STRADA: variants seen among roughly 807,000 people sequenced by gnomAD.
The protein encoded by STRADA is STE20-related kinase adapter protein alpha.
In STRADA, 26 loss-of-function variants were observed where a neutral mutation model predicts 55.0. The observed-to-expected ratio is 0.47, with a 90% CI of 0.35 to 0.66. The LOEUF (loss-of-function observed/expected upper bound fraction) is 0.66. Among genes scored for constraint, STRADA ranks in the 30% least tolerant of loss-of-function variants. The pLI, the probability that STRADA is intolerant of heterozygous loss-of-function variation, is 0.01. For missense variants in STRADA, 443 were observed against 549.7 expected (o/e 0.81, Z 1.94); for synonymous variants, 197 against 210.9 (o/e 0.93, Z 0.57).
chr17:63,713,623 CTT>C, intron 5 of STRADA, 96 bp from the exon 6 acceptor site: 2 of 1,495,394 alleles, frequency 1.3e-6, no homozygotes, highest in East Asian at 2.3e-5. Context: ...TCAAAAGAAA[CTT>C]AATGTTAAAT....
At chr17:63,724,628 G>A (rs1307672657) in intron 3 of STRADA, among the ~76,000 whole-genome samples, 1 of 152,070 alleles carries the variant, frequency 6.6e-6, no homozygotes, top group Non-Finnish European at 1.5e-5. Flanking sequence ...TTGCCAGGCT[G>A]GTCTTGAACT....
At chr17:63,720,027 CTTTTT>C (rs923865178) in intron 4 of STRADA, among the ~76,000 whole-genome samples, 3 of 143,800 alleles carry the variant, frequency 2.1e-5, no homozygotes, top group Non-Finnish European at 4.6e-5. Context: ...AATTCTTTTT[CTTTTT>C]TTTTTTTGAG....
chr17:63,703,551 G>C lies in STRADA; in HGVS notation c.*48C>G. On this transcript the variant is annotated 3_prime_UTR_variant, in exon 13 of 13. Transcript: ENST00000336174. Reference sequence around the variant, plus strand: ...GGCCGGCCCTCAGGAAGGGCCTCTGGGTGGCCTCTGCATCCCTGGCTGGAG... The same window carrying C: ...GGCCGGCCCTCAGGAAGGGCCTCTGCGTGGCCTCTGCATCCCTGGCTGGAG... The C allele has an allele frequency of 6.4e-7, 1 of 1,563,364 alleles. No homozygotes were observed. Among genetic ancestry groups the C allele is most frequent in the South Asian group, 1.2e-5 (1 of 86,002 alleles).
rs767297496 is a variant in STRADA, at chr17:63,713,498, TCA to T, written c.254_255del (p.Val85GlufsTer18). ...CCTGTTGGTTTGTACCTTGCTAGAT[TCA>T]CAGTCATCAGGTCCTCAAATCCTTT... ...IGKGFEDLMT[V>X]NLARYKPTGE... On this transcript the variant is annotated frameshift_variant, in exon 6 of 13. Transcript: ENST00000336174. LOFTEE classifies it high-confidence loss of function. The T allele has an allele frequency of 1.6e-5, 26 of 1,614,074 alleles. No individual in the cohort carries two copies. Among genetic ancestry groups the T allele is most frequent in the South Asian group, 2.2e-5 (2 of 91,088 alleles).
At position 63,703,750 on chromosome 17, in the gene STRADA, AT is replaced by A. The variant is rs528852128; in HGVS notation, c.1144del (p.Ile382SerfsTer37). 1 of 1,613,950 alleles carries A rather than the reference AT, an allele frequency of 6.2e-7. No individual in the cohort carries two copies. Among genetic ancestry groups the A allele is most frequent in the Non-Finnish European group, 8.5e-7 (1 of 1,179,908 alleles). On this transcript the variant is annotated frameshift_variant and splice_region_variant, in exon 13 of 13. Transcript: ENST00000336174. LOFTEE classifies it high-confidence loss of function. ...CAAAGCCTCTGAGGCACGTCGCTTG[AT>A]CTGGGGGAGAAGAGAGAGGTGGGTG... ...TLLNHSFFKQ[I>X]KRRASEALPE...
At chr17:63,715,598 G>T (rs950913258) in intron 4 of STRADA, 2 of 152,130 alleles carry the variant, frequency 1.3e-5, no homozygotes, top group African/African-American at 4.8e-5. Context: ...GAGATTATTG[G>T]CAGGAGCTGA....
Position 63,704,543 on chromosome 17 carries a change from A to C in STRADA, c.898T>G (p.Leu300Val), listed in dbSNP as rs2035944379. Residue 300 changes from leucine to valine, a missense_variant, in exon 11 of 13, where the codon TTG becomes GTG. Transcript: ENST00000336174. ...EKLNGTVPCL[L>V]DTSTIPAEEL... ...TCAGCGGGGATGGTGCTGGTATCCA[A>C]CAGGCAGGGCACTGTGCCGTTCAGT... 1 of 1,512,180 alleles carries C rather than the reference A, an allele frequency of 6.6e-7. No individual in the cohort carries two copies. The highest frequency in any genetic ancestry group is 8.9e-7 in the Non-Finnish European group (1 of 1,123,820). The allele number at this position is 1,512,180 out of a possible 1,614,324, so 93.7% of individuals were successfully genotyped here.
chr17:63,712,935 G>A (rs1249619174), intron 6 of STRADA, among the ~76,000 whole-genome samples: 1 of 151,452 alleles, frequency 6.6e-6, no homozygotes, highest in Non-Finnish European at 1.5e-5. Flanking sequence ...TGGGAGGTGG[G>A]GGTTGCAGTG....
chr17:63,718,311 TGA>T (rs1425632526), intron 4 of STRADA, among the ~76,000 whole-genome samples: 1 of 152,090 alleles, frequency 6.6e-6, no homozygotes. Flanking sequence ...CTCACCAAGG[TGA>T]GAGAGATACA....
intron 1 of STRADA, among the ~76,000 whole-genome samples, chr17:63,738,660 C>T (rs1474709151): frequency 6.6e-6 from 1 of 151,632 alleles, no homozygotes; most frequent in Non-Finnish European, 1.5e-5. Flanking sequence ...CAGTTCCACA[C>T]TGCCCCAGGC....
chr17:63,712,301 G>A (rs905727001), intron 6 of STRADA, among the ~76,000 whole-genome samples: 17 of 152,100 alleles, frequency 1.1e-4, no homozygotes, highest in African/African-American at 3.6e-4. Flanking sequence ...TCAAACTCCC[G>A]GGCTCAAGCA....
chr17:63,735,523 T>C (rs1324333249), intron 1 of STRADA, among the ~76,000 whole-genome samples: 4 of 152,184 alleles, frequency 2.6e-5, no homozygotes, highest in Non-Finnish European at 5.9e-5. Context: ...AAAATTAACT[T>C]TTTCAGAGAA....
chr17:63,735,125 C>A lies in STRADA; in HGVS notation c.-45+6616G>T, dbSNP rs142791190. ...GGCCGAGATCGTGCCATTGCACACGCCAGCTTGGGTGACAGAGCGAGACTC... is the reference window on the plus strand; with the variant it reads ...GGCCGAGATCGTGCCATTGCACACGACAGCTTGGGTGACAGAGCGAGACTC... On this transcript the variant is annotated intron_variant, in intron 1 of 12. Coordinates refer to ENST00000336174, the MANE Select transcript of STRADA (RefSeq NM_001003787.4). Among the ~76,000 whole-genome samples the A allele has an allele frequency of 1.8e-4, 28 of 152,270 alleles. No homozygotes were observed. In the East Asian group the frequency reaches 5.2e-3, roughly 28 times the overall value.
At chr17:63,717,314 T>G (rs562939273) in intron 4 of STRADA, among the ~76,000 whole-genome samples, 1 of 152,282 alleles carries the variant, frequency 6.6e-6, no homozygotes, top group South Asian at 2.1e-4. Flanking sequence ...TTTATTTTAT[T>G]TATTTATTTT....
chr17:63,741,217 G>C (rs1010399900), intron 1 of STRADA: 1 of 151,994 alleles, frequency 6.6e-6, no homozygotes, highest in Non-Finnish European at 1.5e-5. Flanking sequence ...CCCCATCTCC[G>C]GCGCCCAAAT....
At chr17:63,704,985 C>G in intron 10 of STRADA, 2 of 1,362,010 alleles carry the variant, frequency 1.5e-6, no homozygotes, top group South Asian at 2.5e-5. Context: ...CCGATGAGGT[C>G]TGAGAGGCAG....
intron 1 of STRADA, among the ~76,000 whole-genome samples, chr17:63,736,904 A>C (rs2038476563): frequency 6.9e-6 from 1 of 145,628 alleles, no homozygotes; most frequent in Non-Finnish European, 1.5e-5. Context: ...TTAAAACTAT[A>C]TTTTAAAAGT....
rs375773735 is a variant in STRADA, at chr17:63,720,848, G to A, written c.123+2450C>T. 5.3e-5 allele frequency among the ~76,000 whole-genome samples: 8 copies of A among 151,646 alleles called. No individual in the cohort carries two copies. The South Asian group carries it at 1.0e-3, about 20-fold the overall frequency. On this transcript the variant is annotated intron_variant, in intron 4 of 12. Transcript: ENST00000336174. ...ATGGTGGCTCACGCCTGTAATCCCA[G>A]CACTTTGGGAGGCTGAGACAGGTGG... is the stretch of plus-strand genomic sequence containing the variant.
rs2035898761 is a variant in STRADA at position 63,704,069 on chromosome 17, G to T, written c.1101-22C>A. On this transcript the variant is annotated intron_variant, in intron 11 of 12. Transcript: ENST00000336174. Reference sequence around the variant, plus strand: ...GGGCCTGGAGGGAAAGGGGAGGAGAGACCGCAGCATCACTGCCGTGTCCCC... The same window carrying T: ...GGGCCTGGAGGGAAAGGGGAGGAGATACCGCAGCATCACTGCCGTGTCCCC... 3 of 1,610,144 alleles carry T rather than the reference G, an allele frequency of 1.9e-6. No individual in the cohort carries two copies. The South Asian group carries it at 3.3e-5, about 18-fold the overall frequency.
Sources: gnomAD v4.1 joint callset for allele counts (sites outside exome capture counted in the v4.1 genomes callset) on GRCh38, gnomAD v4.1.1 for gene constraint, MANE v1.5 for transcripts, NCBI Gene and HGNC (gene_info 2026-07-23, HGNC 2026-07-21) for gene names.